Variants in ABCB4 observed in about 807,000 individuals in gnomAD.
ABCB4 encodes phosphatidylcholine translocator ABCB4.
In ABCB4, 76 loss-of-function variants were observed where a neutral mutation model predicts 145.7. That is an observed-to-expected ratio of 0.52 (90% CI 0.43 to 0.63). ABCB4 has a LOEUF of 0.63. Among genes scored for constraint, ABCB4 ranks in the 30% least tolerant of loss-of-function variants. The pLI is 0.00. For missense variants in ABCB4, 1,234 were observed against 1,553.1 expected (o/e 0.79, Z 3.45); for synonymous variants, 517 against 566.8 (o/e 0.91, Z 1.25).
chr7:87,382,147 A>G, the ABCB4 span: 1 of 1,613,270 alleles, frequency 6.2e-7, no homozygotes, highest in South Asian at 1.1e-5. Context: ...GTTTTAAATG[A>G]CATCAACCAA....
the ABCB4 span, chr7:87,382,325 T>G: frequency 2.1e-6 from 3 of 1,459,048 alleles, no homozygotes; most frequent in Non-Finnish European, 2.8e-6. Context: ...TGTCTGGTGA[T>G]TACTTTAATG....
chr7:87,379,473 A>T, the ABCB4 span, among the ~76,000 whole-genome samples: 1 of 152,200 alleles, frequency 6.6e-6, no homozygotes, highest in African/African-American at 2.4e-5. Context: ...TCCGTCCCTC[A>T]TCCCCAAGAC....
At chr7:87,430,723 C>T (rs1429752727) in intron 15 of ABCB4, among the ~76,000 whole-genome samples, 2 of 152,068 alleles carry the variant, frequency 1.3e-5, no homozygotes, top group Non-Finnish European at 2.9e-5. Flanking sequence ...ATGGGGGTTT[C>T]ACAATGTTGG....
intron 12 of ABCB4, 115 bp downstream of exon 12, chr7:87,443,204 G>A: frequency 1.4e-6 from 2 of 1,379,720 alleles, no homozygotes; most frequent in Non-Finnish European, 2.1e-6. Context: ...TTGCCATTTT[G>A]TAGGCTTTTT....
At chr7:87,393,210 A>G in the ABCB4 span, 2 of 869,906 alleles carry the variant, frequency 2.3e-6, no homozygotes, top group Non-Finnish European at 3.5e-6. Flanking sequence ...CCACTTAGGC[A>G]TTTAATGCAT....
At chr7:87,409,880 T>C (rs1808484361) in intron 23 of ABCB4, among the ~76,000 whole-genome samples, 1 of 152,178 alleles carries the variant, frequency 6.6e-6, no homozygotes, top group Non-Finnish European at 1.5e-5. Flanking sequence ...ATGATAATCA[T>C]CATCACTGTA....
chr7:87,411,862 GA>G (rs1184758034), intron 23 of ABCB4, 30 bp downstream of exon 23: 1 of 1,602,762 alleles, frequency 6.2e-7, no homozygotes, highest in Non-Finnish European at 8.5e-7. Flanking sequence ...CCTTATTATA[GA>G]ATAATCTTAA....
chr7:87,435,484 C>T (rs929488732), intron 14 of ABCB4, among the ~76,000 whole-genome samples: 2 of 152,218 alleles, frequency 1.3e-5, no homozygotes, highest in African/African-American at 2.4e-5. Flanking sequence ...GGATCTCACA[C>T]AGCTCGTCTG....
the ABCB4 span, among the ~76,000 whole-genome samples, chr7:87,395,828 G>T: frequency 6.6e-6 from 1 of 151,942 alleles, no homozygotes; most frequent in Non-Finnish European, 1.5e-5. Context: ...GCTCTAGATC[G>T]GGGGTTATAA....
chr7:87,394,237 G>C, the ABCB4 span, among the ~76,000 whole-genome samples: 17 of 152,178 alleles, frequency 1.1e-4, no homozygotes, highest in Non-Finnish European at 1.6e-4. Context: ...AGAGTTGCAA[G>C]TATCTCCTTA....
chr7:87,396,545 T>C, the ABCB4 span, among the ~76,000 whole-genome samples: 5 of 152,276 alleles, frequency 3.3e-5, no homozygotes, highest in East Asian at 9.6e-4. Flanking sequence ...GAAACATTTT[T>C]AGAGAAATGA....
intron 14 of ABCB4, 98 bp downstream of exon 14, chr7:87,439,569 C>T (rs1357687820): frequency 7.3e-7 from 1 of 1,378,548 alleles, no homozygotes. Context: ...GCTCCATTTG[C>T]TATGTTTCTG....
At chr7:87,464,308 G>A (rs940537168) in intron 3 of ABCB4, among the ~76,000 whole-genome samples, 5 of 152,156 alleles carry the variant, frequency 3.3e-5, no homozygotes, top group Non-Finnish European at 7.3e-5. Context: ...CACAGGGCAA[G>A]CAAGAGAACC....
chr7:87,446,496 T>G (rs1255284538), intron 9 of ABCB4, among the ~76,000 whole-genome samples: 2 of 152,168 alleles, frequency 1.3e-5, no homozygotes, highest in Non-Finnish European at 2.9e-5. Flanking sequence ...TGTAAGTAAT[T>G]TTAATTTTAA....
chr7:87,368,592 G>T, the ABCB4 span, among the ~76,000 whole-genome samples: 1 of 152,168 alleles, frequency 6.6e-6, no homozygotes. Context: ...ATAAGATAAT[G>T]TATGTAAAGC....
At chr7:87,459,433 T>C (rs1455783494) in intron 4 of ABCB4, among the ~76,000 whole-genome samples, 2 of 152,172 alleles carry the variant, frequency 1.3e-5, no homozygotes, top group South Asian at 2.1e-4. Context: ...TTTAGCGTCA[T>C]GTCCTCAAGG....
chr7:87,465,925 T>C (rs1220485374), intron 3 of ABCB4, among the ~76,000 whole-genome samples: 1 of 151,836 alleles, frequency 6.6e-6, no homozygotes, highest in African/African-American at 2.4e-5. Context: ...AAACCAAAGG[T>C]AGATAAAACC....
intron 21 of ABCB4, among the ~76,000 whole-genome samples, chr7:87,414,977 G>T (rs557784393): frequency 6.6e-6 from 1 of 152,318 alleles, no homozygotes; most frequent in African/African-American, 2.4e-5. Context: ...AAGTAGCAAA[G>T]CAAGAATTCC....
intron 26 of ABCB4, among the ~76,000 whole-genome samples, chr7:87,404,324 C>T (rs1027978774): frequency 6.6e-6 from 1 of 152,114 alleles, no homozygotes; most frequent in African/African-American, 2.4e-5. Flanking sequence ...TTTTAGGGAC[C>T]TCAAGCCATC....
Sources: allele counts gnomAD v4.1 joint callset (sites outside exome capture counted in the v4.1 genomes callset), GRCh38; gene constraint gnomAD v4.1.1; transcripts MANE v1.5; gene names NCBI Gene and HGNC (gene_info 2026-07-23, HGNC 2026-07-21).